The following IQSEC3 variants were observed in gnomAD, a reference collection of about 807,000 sequenced individuals.
The protein encoded by IQSEC3 is IQ motif and Sec7 domain ArfGEF 3, also known as IQ motif and SEC7 domain-containing protein 3.
IQSEC3 carries 50 observed loss-of-function variants against 105.4 expected under a neutral mutation model. The observed-to-expected ratio is 0.47, with a 90% CI of 0.38 to 0.60. The LOEUF (loss-of-function observed/expected upper bound fraction) is 0.60, where lower values mean the gene tolerates loss of function less well. Ranked by LOEUF, IQSEC3 falls within the 20% of genes least tolerant of loss-of-function variation. IQSEC3 has a pLI of 0.00. For missense variants in IQSEC3, 1,415 were observed against 1,630.0 expected, an observed-to-expected ratio of 0.87 and a Z score of 2.27; for synonymous variants, 708 against 746.0, an observed-to-expected ratio of 0.95 and a Z score of 0.83.
intron 7 of IQSEC3, 94 bp downstream of exon 7, chr12:157,788 A>G: frequency 1.5e-6 from 2 of 1,377,306 alleles, no homozygotes; most frequent in South Asian, 1.4e-5. Flanking sequence ...CCCCTATCAC[A>G]GATGGTCACC....
chr12:97,571 T>C (rs956536360), intron 1 of IQSEC3, among the ~76,000 whole-genome samples: 1 of 152,180 alleles, frequency 6.6e-6, no homozygotes, highest in African/African-American at 2.4e-5. Flanking sequence ...TCCCAGTGCT[T>C]TAGGAGGCCA....
At chr12:148,175 C>A (rs1555091587) in intron 5 of IQSEC3, 1 of 152,100 alleles carries the variant, frequency 6.6e-6, no homozygotes, top group African/African-American at 2.4e-5. Context: ...CTTAATCCAC[C>A]CACTGTTATT....
intron 2 of IQSEC3, among the ~76,000 whole-genome samples, chr12:125,160 T>C (rs1273910904): frequency 6.6e-6 from 1 of 152,088 alleles, no homozygotes; most frequent in African/African-American, 2.4e-5. Flanking sequence ...ATACTTACAA[T>C]AGGTAACACA....
chr12:83,529 C>A (rs1042052254), intron 1 of IQSEC3, among the ~76,000 whole-genome samples: 1 of 151,358 alleles, frequency 6.6e-6, no homozygotes, highest in African/African-American at 2.4e-5. Flanking sequence ...CAGGGGAAAG[C>A]GTTCCGTGTA....
chr12:173,864 GCAT>G (rs2137075725), intron 13 of IQSEC3, among the ~76,000 whole-genome samples: 1 of 152,298 alleles, frequency 6.6e-6, no homozygotes, highest in African/African-American at 2.4e-5. Flanking sequence ...GGGCTCATGA[GCAT>G]CATCTGGGCC....
At chr12:174,508 G>A (rs1939167548) in intron 13 of IQSEC3, 91 bp from the exon 14 acceptor site, 2 of 1,164,290 alleles carry the variant, frequency 1.7e-6, no homozygotes, top group South Asian at 1.6e-5. Context: ...GAGAGTGGGA[G>A]GGAGGCCAGG....
chr12:132,048 T>G (rs782671199), intron 3 of IQSEC3, among the ~76,000 whole-genome samples: 10 of 151,616 alleles, frequency 6.6e-5, no homozygotes, highest in Non-Finnish European at 1.3e-4. Context: ...GCCACAAAGA[T>G]TAGTGGAGGA....
intron 2 of IQSEC3, among the ~76,000 whole-genome samples, chr12:105,228 G>C (rs900471528): frequency 3.2e-4 from 48 of 152,252 alleles, no homozygotes; most frequent in African/African-American, 1.2e-3. Flanking sequence ...TCTCCTTCAT[G>C]GTTCACTGGT....
Position 138,990 on chromosome 12 carries a change from G to T in IQSEC3, c.1627G>T (p.Val543Leu). The T allele has an allele frequency of 1.3e-6, 2 of 1,534,278 alleles. No homozygotes were observed. Among genetic ancestry groups the T allele is most frequent in the Non-Finnish European group, 1.8e-6 (2 of 1,140,456 alleles). The change falls in exon 4 of 14, where the codon GTG (valine) becomes TTG (leucine). Residue 543 changes from valine to leucine, a missense_variant. By Grantham distance (32) the Val-to-Leu change is conservative. Coordinates refer to ENST00000538872, the MANE Select transcript of IQSEC3 (RefSeq NM_001170738.2). This position sits in a 1 kb window ranked among gnomAD's most constrained non-coding sequence, Gnocchi z 7.1. ...SGREAPEAPA[V>L]GREDASAEDS... ...GCGGGAGGCCCCGGAAGCCCCCGCC[G>T]TGGGCCGGGAGGACGCGTCAGCCGA...
chr12:69,262 T>C (rs1220201894), intron 1 of IQSEC3, among the ~76,000 whole-genome samples: 1 of 152,288 alleles, frequency 6.6e-6, no homozygotes, highest in Non-Finnish European at 1.5e-5. Context: ...TGAGGAAAGA[T>C]TATTTTTCTT....
chr12:119,582 C>G (rs982406780), intron 2 of IQSEC3, among the ~76,000 whole-genome samples: 1 of 152,116 alleles, frequency 6.6e-6, no homozygotes, highest in Non-Finnish European at 1.5e-5. Context: ...GAAGCAGACT[C>G]GAGTTCAGAA....
At chr12:74,675 T>C (rs1363856538) in intron 1 of IQSEC3, among the ~76,000 whole-genome samples, 1 of 152,258 alleles carries the variant, frequency 6.6e-6, no homozygotes, top group Non-Finnish European at 1.5e-5. Flanking sequence ...CATCAGACCA[T>C]TCCCTCTAAG....
intron 5 of IQSEC3, among the ~76,000 whole-genome samples, chr12:155,266 T>C (rs1866646977): frequency 6.6e-6 from 1 of 152,226 alleles, no homozygotes; most frequent in Non-Finnish European, 1.5e-5. Context: ...GCCCTGATCC[T>C]GGTGCTGCCG....
At chr12:126,063 G>A (rs1221584715) in intron 3 of IQSEC3, among the ~76,000 whole-genome samples, 151 bp downstream of exon 3, 3 of 152,210 alleles carry the variant, frequency 2.0e-5, no homozygotes, top group African/African-American at 7.2e-5. Context: ...GACCTAGTTT[G>A]CCCTTCCCTG....
At chr12:171,183 C>A (rs2291919) in intron 13 of IQSEC3, 22 bp downstream of exon 13, 473,204 of 1,613,704 alleles carry the variant, frequency 0.29, 70,912 homozygotes, top group East Asian at 0.39. Context: ...CCTGGTTGCC[C>A]AGGTGAGTGA....
At chr12:167,955 A>G (rs1938760100) in intron 11 of IQSEC3, among the ~76,000 whole-genome samples, 1 of 152,188 alleles carries the variant, frequency 6.6e-6, no homozygotes. Context: ...GGGGAGAGAA[A>G]CAACTCTCAG....
intron 7 of IQSEC3, among the ~76,000 whole-genome samples, chr12:159,881 T>C (rs1866824737): frequency 6.6e-6 from 1 of 152,220 alleles, no homozygotes; most frequent in Non-Finnish European, 1.5e-5. Flanking sequence ...TCTCCTAGTC[T>C]GATCCTCGTA....
At chr12:137,437 C>T (rs555940786) in intron 3 of IQSEC3, 1 of 151,894 alleles carries the variant, frequency 6.6e-6, no homozygotes, top group South Asian at 2.1e-4. Context: ...AAAGTGTGCA[C>T]AAAAGTAGAA....
chr12:70,045 G>T (rs1863251688), intron 1 of IQSEC3, among the ~76,000 whole-genome samples: 1 of 152,258 alleles, frequency 6.6e-6, no homozygotes, highest in Admixed American at 6.5e-5. Context: ...GGAAGAGATG[G>T]CACAGTGGGT....
Sources: gnomAD v4.1 joint callset for allele counts (sites outside exome capture counted in the v4.1 genomes callset) on GRCh38, gnomAD v4.1.1 for gene constraint, Gnocchi (gnomAD v3.1) non-coding constraint, MANE v1.5 for transcripts, NCBI Gene and HGNC (gene_info 2026-07-23, HGNC 2026-07-21) for gene names.